The following NBPF8 variants were observed in gnomAD, a reference collection of about 807,000 sequenced individuals.
The protein encoded by NBPF8 is NBPF member 8, also known as NBPF family member NBPF8.
chr1:120,419,105 C>CTAAT (rs1660503301), upstream of NBPF8, among the ~76,000 whole-genome samples: 1 of 152,120 alleles, frequency 6.6e-6, no homozygotes, highest in Non-Finnish European at 1.5e-5. Context: ...AATGAACATA[C>CTAAT]TAATACCATA....
chr1:120,464,652 C>A (rs1432200468), intron 23 of NBPF8, 104 bp downstream of exon 21: 4 of 703,060 alleles, frequency 5.7e-6, no homozygotes, highest in Non-Finnish European at 1.0e-5. Context: ...ATGTCATTGC[C>A]ACAGGGAGGA....
At chr1:120,431,131 GA>G (rs61296977) in intron 3 of NBPF8, among the ~76,000 whole-genome samples, 3,086 of 137,086 alleles carry the variant, frequency 0.023, 25 homozygotes, top group African/African-American at 0.035. Context: ...GTGTTTTGTT[GA>G]AAAAAAAAAT....
intron 1 of NBPF8, among the ~76,000 whole-genome samples, chr1:120,423,018 G>T (rs1282534071): frequency 2.1e-4 from 15 of 71,926 alleles, no homozygotes; most frequent in South Asian, 7.9e-4. Context: ...CATATATTTT[G>T]GACAGCAGTT....
chr1:120,468,572 C>CAGTT (rs1661814281), downstream of NBPF8, among the ~76,000 whole-genome samples: 1 of 151,114 alleles, frequency 6.6e-6, no homozygotes, highest in Admixed American at 6.6e-5. Flanking sequence ...TAATTTCTGC[C>CAGTT]AGTTACTTCA....
At chr1:120,453,159 GC>G (rs1661333764) in intron 13 of NBPF8, among the ~76,000 whole-genome samples, 1 of 135,470 alleles carries the variant, frequency 7.4e-6, no homozygotes, top group Non-Finnish European at 1.6e-5. Context: ...TCAATATTTG[GC>G]CACATCTTGA....
rs1462906154 is a variant in NBPF8 at position 120,460,638 on chromosome 1, A to G, written n.2836+14A>G. 1 of 1,179,690 alleles carries G rather than the reference A, an allele frequency of 8.5e-7. No individual in the cohort carries two copies. The highest frequency in any genetic ancestry group is 1.3e-6 in the Non-Finnish European group (1 of 797,566). The allele number at this position is 1,179,690 out of a possible 1,614,324, so 73.1% of individuals were successfully genotyped here. ...AACAGGTCCCAGGTGAGTCTGAGAA[A>G]TTGTGGACAGTTAATTTGATGTTGA... On this transcript the variant is annotated intron_variant and non_coding_transcript_variant, in intron 18 of 24. Transcript: ENST00000583271.
chr1:120,423,842 C>CA (rs1181857158), intron 1 of NBPF8, among the ~76,000 whole-genome samples: 1 of 149,212 alleles, frequency 6.7e-6, no homozygotes, highest in Non-Finnish European at 1.5e-5. Flanking sequence ...TTCTCTGATC[C>CA]ACCCTAGAAG....
rs1661713948 is a variant in NBPF8, at chr1:120,465,366, C to A, written n.3563C>A. 5 of 618,730 alleles carry A rather than the reference C, an allele frequency of 8.1e-6. 1 individual carries two copies. The highest frequency in any genetic ancestry group is 6.8e-5 in the Admixed American group (3 of 44,390). 38.3% of individuals were successfully genotyped at this position (618,730 alleles called of 1,614,324 possible). ...GGGAAGAAGATCAAAACCCACCATGCCCCAGGTAACTTTCAGCAATTGTGG... is the reference window on the plus strand; with the variant it reads ...GGGAAGAAGATCAAAACCCACCATGACCCAGGTAACTTTCAGCAATTGTGG... On this transcript the variant is annotated non_coding_transcript_exon_variant, in exon 24 of 25. Coordinates refer to ENST00000583271, the Ensembl canonical transcript of NBPF8.
chr1:120,455,676 G>A (rs1459393359), intron 16 of NBPF8, among the ~76,000 whole-genome samples: 12 of 135,514 alleles, frequency 8.9e-5, no homozygotes, highest in Admixed American at 2.3e-4. Flanking sequence ...TGAGCCAGGT[G>A]AACTAGCCAA....
chr1:120,422,671 T>C (rs1216360960), intron 1 of NBPF8, among the ~76,000 whole-genome samples: 1 of 145,588 alleles, frequency 6.9e-6, no homozygotes, highest in Non-Finnish European at 1.5e-5. Flanking sequence ...TTTTGACAAT[T>C]ATGATAAAAT....
intron 21 of NBPF8, among the ~76,000 whole-genome samples, chr1:120,463,320 T>C (rs1349746930): frequency 7.0e-6 from 1 of 143,838 alleles, no homozygotes; most frequent in South Asian, 2.3e-4. Flanking sequence ...CTTGCATCCA[T>C]GAACGAGCTG....
chr1:120,425,655 C>G (rs1320587372), intron 1 of NBPF8, among the ~76,000 whole-genome samples: 4 of 152,026 alleles, frequency 2.6e-5, no homozygotes, highest in Non-Finnish European at 4.4e-5. Flanking sequence ...GTGTCTCTTT[C>G]TTTTCCAAGT....
chr1:120,416,793 C>T (rs1344698782), upstream of NBPF8, among the ~76,000 whole-genome samples: 2 of 151,650 alleles, frequency 1.3e-5, no homozygotes, highest in African/African-American at 2.4e-5. Context: ...AGTGGTTGTA[C>T]CATTTAGCAG....
intron 12 of NBPF8, among the ~76,000 whole-genome samples, 158 bp from the exon 11 acceptor site, chr1:120,451,959 C>A (rs1661286995): frequency 6.6e-6 from 1 of 152,008 alleles, no homozygotes; most frequent in Non-Finnish European, 1.5e-5. Context: ...AAACCATTTT[C>A]TATTCTTTCT....
chr1:120,431,306 C>A (rs61303842), intron 3 of NBPF8, among the ~76,000 whole-genome samples: 1 of 97,278 alleles, frequency 1.0e-5, no homozygotes, highest in African/African-American at 5.0e-5. Context: ...TGAAGATTAT[C>A]ATCTCCAAAT....
At chr1:120,456,347 C>T (rs1487823814) in intron 16 of NBPF8, among the ~76,000 whole-genome samples, 1 of 149,570 alleles carries the variant, frequency 6.7e-6, no homozygotes, top group Non-Finnish European at 1.5e-5. Flanking sequence ...ATTGATCTGT[C>T]TAATATTGAC....
chr1:120,452,496 C>G (rs1185618340), intron 13 of NBPF8, among the ~76,000 whole-genome samples, 165 bp downstream of exon 11: 10 of 151,712 alleles, frequency 6.6e-5, no homozygotes, highest in African/African-American at 2.4e-4. Flanking sequence ...GATGGGAAAC[C>G]CATGGGGTTG....
chr1:120,456,170 GT>G, intron 16 of NBPF8, among the ~76,000 whole-genome samples: 1 of 151,516 alleles, frequency 6.6e-6, no homozygotes. Context: ...TTGCTGACGA[GT>G]GCTTTACCTC....
intron 11 of NBPF8, among the ~76,000 whole-genome samples, chr1:120,450,177 A>C (rs1296375645): frequency 6.6e-6 from 1 of 152,134 alleles, no homozygotes; most frequent in African/African-American, 2.4e-5. Context: ...CAGTGAGCCA[A>C]GGTTTTGCCA....
Sources: gnomAD v4.1 joint callset for allele counts (sites outside exome capture counted in the v4.1 genomes callset) on GRCh38, gnomAD v4.1.1 for gene constraint, MANE v1.5 for transcripts, NCBI Gene and HGNC (gene_info 2026-07-23, HGNC 2026-07-21) for gene names.